The following NEK7 variants were observed in gnomAD, a reference collection of about 807,000 sequenced individuals.
The protein encoded by NEK7 is NIMA related kinase 7.
In NEK7, 18 loss-of-function variants were observed where a neutral mutation model predicts 44.6. The observed-to-expected ratio is 0.40, with a 90% confidence interval of 0.28 to 0.60. The LOEUF (loss-of-function observed/expected upper bound fraction) is 0.60. Among genes scored for constraint, NEK7 ranks in the 20% least tolerant of loss-of-function variants. The probability of loss-of-function intolerance (pLI) is 0.38; values close to 1 mark genes in which losing one functional copy is unlikely to be tolerated. For missense variants in NEK7, 256 were observed against 366.5 expected, an observed-to-expected ratio of 0.70 and a Z score of 2.46; for synonymous variants, 130 against 121.1, an observed-to-expected ratio of 1.07 and a Z score of -0.48.
chr1:198,256,816 C>G (rs1653282592), intron 3 of NEK7, among the ~76,000 whole-genome samples: 1 of 152,156 alleles, frequency 6.6e-6, no homozygotes, highest in African/African-American at 2.4e-5. Context: ...AGTTCGTGAG[C>G]TGGGTCTCAA....
At chr1:198,317,097 T>C (rs1390846794) in intron 9 of NEK7, among the ~76,000 whole-genome samples, 1 of 152,260 alleles carries the variant, frequency 6.6e-6, no homozygotes, top group Non-Finnish European at 1.5e-5. Flanking sequence ...GGAAAAGTTA[T>C]CAACAGATTG....
chr1:198,239,563 T>C (rs1666628970), intron 2 of NEK7, among the ~76,000 whole-genome samples: 1 of 152,162 alleles, frequency 6.6e-6, no homozygotes, highest in African/African-American at 2.4e-5. Context: ...ATGAGATTAC[T>C]TTGAGAAACA....
intron 9 of NEK7, among the ~76,000 whole-genome samples, chr1:198,311,922 G>A (rs1484637764): frequency 6.6e-6 from 1 of 152,132 alleles, no homozygotes; most frequent in Non-Finnish European, 1.5e-5. Context: ...GTCTCTGCCC[G>A]GCTTTGGTAT....
At chr1:198,182,168 T>G (rs1280615258) in intron 1 of NEK7, among the ~76,000 whole-genome samples, 1 of 152,090 alleles carries the variant, frequency 6.6e-6, no homozygotes, top group Admixed American at 6.6e-5. Flanking sequence ...AATGAATATT[T>G]TTTACTTCAA....
Position 198,253,287 on chromosome 1 carries a change from A to C in NEK7, c.198+107A>C, listed in dbSNP as rs1213971237. 5 of 686,530 alleles carry C rather than the reference A, an allele frequency of 7.3e-6. No homozygotes were observed. The African/African-American group carries it at 9.3e-5, about 13-fold the overall frequency. The allele number at this position is 686,530 out of a possible 1,614,324, so 42.5% of individuals were successfully genotyped here. Reference sequence around the variant, plus strand: ...GGGTACTGATAGCCTTAAGTTGAGAATGCTGGGAAAGATTGAACGTTGTAT... The same window carrying C: ...GGGTACTGATAGCCTTAAGTTGAGACTGCTGGGAAAGATTGAACGTTGTAT... On this transcript the variant is annotated intron_variant, in intron 3 of 9. Coordinates refer to ENST00000367385, the MANE Select transcript of NEK7 (RefSeq NM_133494.3).
intron 1 of NEK7, among the ~76,000 whole-genome samples, chr1:198,223,714 A>G (rs562382896): frequency 1.3e-5 from 2 of 152,332 alleles, no homozygotes; most frequent in African/African-American, 4.8e-5. Flanking sequence ...TTGAACTTTT[A>G]AAGTAAAAAT....
intron 9 of NEK7, among the ~76,000 whole-genome samples, chr1:198,297,901 A>ATGCT (rs113352564): frequency 4.5e-4 from 68 of 152,316 alleles, no homozygotes; most frequent in African/African-American, 9.9e-4. Flanking sequence ...CTGAGTCTGA[A>ATGCT]TGCTTGCTTG....
rs909204989 is a variant in NEK7, at chr1:198,176,528, T to C, written c.-29+19252T>C. Among the ~76,000 whole-genome samples the C allele has an allele frequency of 5.3e-5, 8 of 152,284 alleles. 1 individual carries two copies. The highest frequency in any genetic ancestry group is 2.9e-5 in the Non-Finnish European group (2 of 68,014). On this transcript the variant is annotated intron_variant, in intron 1 of 9. Coordinates refer to ENST00000367385, the MANE Select transcript of NEK7 (RefSeq NM_133494.3). Reference sequence around the variant, plus strand: ...GTAAGGAGTGAGGTTGAGGAGATTATGTTTTATTCATTAAAGAGTTTTAAG... The same window carrying C: ...GTAAGGAGTGAGGTTGAGGAGATTACGTTTTATTCATTAAAGAGTTTTAAG...
intron 1 of NEK7, among the ~76,000 whole-genome samples, chr1:198,206,366 A>G (rs1665598149): frequency 6.6e-6 from 1 of 152,132 alleles, no homozygotes; most frequent in East Asian, 1.9e-4. Flanking sequence ...TCCCTTGATT[A>G]AAGATTCTGT....
chr1:198,312,222 G>T (rs537924484), intron 9 of NEK7, among the ~76,000 whole-genome samples: 1,038 of 122,384 alleles, frequency 8.5e-3, no homozygotes, highest in Admixed American at 0.011. Flanking sequence ...TAGTTTATTT[G>T]CGTAGAGGTG....
chr1:198,199,311 C>T (rs140554880), intron 1 of NEK7, among the ~76,000 whole-genome samples: 6 of 152,192 alleles, frequency 3.9e-5, no homozygotes, highest in Non-Finnish European at 7.4e-5. Flanking sequence ...TCACCTTGAC[C>T]AGTCATTGGA....
At chr1:198,217,840 TAAAA>T (rs35485996) in intron 1 of NEK7, among the ~76,000 whole-genome samples, 1 of 107,250 alleles carries the variant, frequency 9.3e-6, no homozygotes, top group Non-Finnish European at 2.2e-5. Context: ...ACAATAGCTA[TAAAA>T]AAAAAAAAAA....
intron 9 of NEK7, among the ~76,000 whole-genome samples, chr1:198,302,069 ATCACT>A (rs1654905271): frequency 6.6e-6 from 1 of 152,206 alleles, no homozygotes; most frequent in South Asian, 2.1e-4. Flanking sequence ...CAGTTTCCAC[ATCACT>A]TAATGTCTCT....
chr1:198,252,588 T>C (rs9701427), intron 2 of NEK7, among the ~76,000 whole-genome samples: 1 of 131,526 alleles, frequency 7.6e-6, no homozygotes, highest in Admixed American at 7.7e-5. Flanking sequence ...TATATACACA[T>C]ATATATGTAT....
In NEK7 at chr1:198,318,430, A is replaced by T. The variant is rs116793380; in HGVS notation, c.799-982A>T. ...CTTCAGCCCAAGCTTTTTAATCATC[A>T]CTTGTATTTTCTCTGGTTGAAAGTT... On this transcript the variant is annotated intron_variant, in intron 9 of 9. Transcript: ENST00000367385. 2.8e-3 allele frequency among the ~76,000 whole-genome samples: 430 copies of T among 152,222 alleles called. 2 individuals carry two copies. Among genetic ancestry groups the T allele is most frequent in the African/African-American group, 9.9e-3 (410 of 41,542 alleles).
intron 9 of NEK7, among the ~76,000 whole-genome samples, chr1:198,299,187 G>C (rs1297654808): frequency 1.3e-5 from 2 of 152,212 alleles, no homozygotes; most frequent in Admixed American, 6.5e-5. Flanking sequence ...GTAGTTTCTA[G>C]GTAAATGTGG....
intron 2 of NEK7, among the ~76,000 whole-genome samples, chr1:198,235,623 A>G (rs1470495806): frequency 6.6e-6 from 1 of 152,196 alleles, no homozygotes; most frequent in Non-Finnish European, 1.5e-5. Context: ...GAAGTTTACA[A>G]TTAACATTTT....
intron 4 of NEK7, 146 bp from the exon 5 acceptor site, chr1:198,263,979 C>A: frequency 1.6e-6 from 1 of 643,094 alleles, no homozygotes. Flanking sequence ...ATTTGTTTCA[C>A]AATTCACTAA....
At chr1:198,174,392 A>T (rs978170892) in intron 1 of NEK7, among the ~76,000 whole-genome samples, 11 of 151,912 alleles carry the variant, frequency 7.2e-5, no homozygotes, top group Non-Finnish European at 1.5e-4. Context: ...TCTCAAAGGT[A>T]CAAGTATTAT....
Sources: allele counts gnomAD v4.1 joint callset (sites outside exome capture counted in the v4.1 genomes callset), GRCh38; gene constraint gnomAD v4.1.1; transcripts MANE v1.5; gene names NCBI Gene and HGNC (gene_info 2026-07-23, HGNC 2026-07-21).